The following LRP5 variants were observed in gnomAD, a reference collection of about 807,000 sequenced individuals.
LRP5 encodes low-density lipoprotein receptor-related protein 5.
Under a neutral mutation model 154.1 loss-of-function variants are expected in LRP5, and 62 were observed. That is an observed-to-expected ratio of 0.40 (90% CI 0.33 to 0.50). The LOEUF (loss-of-function observed/expected upper bound fraction) is 0.50, where lower values mean the gene tolerates loss of function less well. LRP5 is among the 20% of genes least tolerant of loss of function. LRP5 has a pLI of 0.55. For missense variants in LRP5, 1,915 were observed against 2,336.7 expected, an observed-to-expected ratio of 0.82 and a Z score of 3.72; for synonymous variants, 966 against 1,011.5, an observed-to-expected ratio of 0.96 and a Z score of 0.85.
chr11:68,448,752 G>GC, intron 22 of LRP5, 57 bp from the exon 23 acceptor site: 1 of 1,596,672 alleles, frequency 6.3e-7, no homozygotes, highest in East Asian at 2.2e-5. Flanking sequence ...GGGCTGCTGT[G>GC]CCCACCAGGG....
Position 68,411,632 on chromosome 11 carries a change from G to A in LRP5, c.2503+12G>A. ...GTCCAACATGCTGGGTGAGGGCCGG[G>A]CTGGGGCCTTCTGGTCATGGAGGGC... On this transcript the variant is annotated intron_variant, in intron 11 of 22. Transcript: ENST00000294304. The A allele has an allele frequency of 6.2e-7, 1 of 1,604,024 alleles. No individual in the cohort carries two copies.
At chr11:68,379,235 C>T (rs2098639049) in intron 5 of LRP5, among the ~76,000 whole-genome samples, 2 of 152,104 alleles carry the variant, frequency 1.3e-5, no homozygotes, top group African/African-American at 4.8e-5. Flanking sequence ...TGAATGCCCT[C>T]GTTTAGGTAA....
chr11:68,396,047 G>A (rs1001861801), intron 7 of LRP5, among the ~76,000 whole-genome samples: 12 of 152,080 alleles, frequency 7.9e-5, no homozygotes, highest in African/African-American at 2.4e-4. Flanking sequence ...CGCTGAGTAC[G>A]CAGTGTGTGC....
Position 68,413,940 on chromosome 11 carries a change from G to T in LRP5, c.2755G>T (p.Ala919Ser). 1 of 1,610,074 alleles carries T rather than the reference G, an allele frequency of 6.2e-7. No individual in the cohort carries two copies. The highest frequency in any genetic ancestry group is 1.1e-5 in the South Asian group (1 of 91,070). ...CGGGCAGTGTGGGCAGCTGTGCCTT[G>T]CCATCCCCGGCGGCCACCGCTGCGG... ...NNGQCGQLCL[A>S]IPGGHRCGCA... Residue 919 changes from alanine (A) to serine (S), a missense_variant, in exon 12 of 23, where the codon GCC (alanine) becomes TCC (serine). Physicochemically the swap from Ala to Ser is moderately conservative, Grantham distance 99. This residue lies in a region of LRP5 where 1,094 missense variants were observed against 1,210.1 expected (regional missense o/e 0.90). Coordinates refer to ENST00000294304, the MANE Select transcript of LRP5 (RefSeq NM_002335.4). The surrounding 1 kb of genome is among the most constrained non-coding windows in gnomAD (Gnocchi z 5.1).
chr11:68,409,073 A>AAAAAATATATATATATATATAT (rs2098657548), intron 9 of LRP5, among the ~76,000 whole-genome samples: 3 of 44,168 alleles, frequency 6.8e-5, no homozygotes, highest in Admixed American at 3.5e-4. Context: ...AAAAAAAAAA[A>AAAAAATATATATATATATATAT]ATATATATAT....
chr11:68,415,169 T>C (rs941270695), intron 12 of LRP5, among the ~76,000 whole-genome samples: 5 of 152,172 alleles, frequency 3.3e-5, no homozygotes, highest in African/African-American at 1.2e-4. Context: ...ATGTTCTGGT[T>C]CTGCTAGAGA....
intron 8 of LRP5, 127 bp from the exon 9 acceptor site, chr11:68,406,397 G>A (rs2098655674): frequency 3.9e-6 from 4 of 1,013,366 alleles, no homozygotes; most frequent in Non-Finnish European, 6.2e-6. Context: ...CTGACCCGGG[G>A]GTGAGTCCTG....
intron 16 of LRP5, among the ~76,000 whole-genome samples, chr11:68,426,693 G>T (rs1259220358): frequency 6.6e-6 from 1 of 152,144 alleles, no homozygotes; most frequent in East Asian, 1.9e-4. Context: ...AAAGTGCTAG[G>T]ATTATAGGTG....
At chr11:68,336,336 C>T (rs1484377850) in intron 1 of LRP5, among the ~76,000 whole-genome samples, 1 of 152,200 alleles carries the variant, frequency 6.6e-6, no homozygotes, top group Admixed American at 6.5e-5. Flanking sequence ...TGTGTACATG[C>T]CTTAGCGACC....
chr11:68,365,780 C>A, intron 5 of LRP5, 78 bp downstream of exon 5: 1 of 1,386,070 alleles, frequency 7.2e-7, no homozygotes, highest in South Asian at 1.4e-5. Context: ...CGGGGGTGCC[C>A]CAGAAGGAAC....
chr11:68,308,956 G>A (rs2098585819), upstream of LRP5, among the ~76,000 whole-genome samples: 1 of 131,326 alleles, frequency 7.6e-6, no homozygotes, highest in African/African-American at 2.9e-5. Flanking sequence ...TTGAGACGGA[G>A]TCTAACTCTG....
At chr11:68,346,549 G>T (rs2098613105) in intron 1 of LRP5, among the ~76,000 whole-genome samples, 1 of 152,222 alleles carries the variant, frequency 6.6e-6, no homozygotes, top group Admixed American at 6.5e-5. Context: ...CTAACTACAG[G>T]ATTCAGTTCT....
At chr11:68,299,537 G>A in the LRP5 span, among the ~76,000 whole-genome samples, 1 of 151,140 alleles carries the variant, frequency 6.6e-6, no homozygotes, top group East Asian at 1.9e-4. Flanking sequence ...AGACGGGGGT[G>A]TAGAGTGCTC....
At chr11:68,328,509 G>GC (rs2098600937) in intron 1 of LRP5, among the ~76,000 whole-genome samples, 1 of 152,206 alleles carries the variant, frequency 6.6e-6, no homozygotes, top group East Asian at 1.9e-4. Context: ...AGGGGAAACG[G>GC]CCGCTTCCCT....
At chr11:68,422,133 A>C (rs1206841446) in intron 13 of LRP5, among the ~76,000 whole-genome samples, 4 of 152,030 alleles carry the variant, frequency 2.6e-5, no homozygotes. Flanking sequence ...TTTTTGATAC[A>C]GATGGAGTCT....
At chr11:68,311,737 C>A (rs1310104490), upstream of LRP5, among the ~76,000 whole-genome samples, 1 of 152,222 alleles carries the variant, frequency 6.6e-6, no homozygotes, top group Non-Finnish European at 1.5e-5. Flanking sequence ...CATTGCTGTC[C>A]CCACTTTACA....
chr11:68,443,341 A>G (rs2098679163), intron 21 of LRP5, among the ~76,000 whole-genome samples: 3 of 150,582 alleles, frequency 2.0e-5, no homozygotes, highest in Non-Finnish European at 4.4e-5. Context: ...CGTCTCTAGT[A>G]AAAATTTAAA....
chr11:68,433,926 T>C (rs1591322763), intron 18 of LRP5, 88 bp downstream of exon 18: 1 of 1,288,784 alleles, frequency 7.8e-7, no homozygotes, highest in Non-Finnish European at 1.1e-6. Context: ...CTCACAGGAG[T>C]AGGGGCTCTG....
intron 1 of LRP5, among the ~76,000 whole-genome samples, chr11:68,334,568 G>T (rs2098604603): frequency 6.6e-6 from 1 of 152,162 alleles, no homozygotes; most frequent in Non-Finnish European, 1.5e-5. Flanking sequence ...AGTCATAGAT[G>T]CATGTGTGTA....
Sources: allele counts gnomAD v4.1 joint callset (sites outside exome capture counted in the v4.1 genomes callset), GRCh38; gene constraint gnomAD v4.1.1; regional missense constraint gnomAD v4.1.1; non-coding constraint Gnocchi (gnomAD v3.1); transcripts MANE v1.5; gene names NCBI Gene and HGNC (gene_info 2026-07-23, HGNC 2026-07-21).